The following SHISA9 variants were observed in gnomAD, a reference collection of about 807,000 sequenced individuals.
The protein encoded by SHISA9 is shisa family member 9, also known as protein shisa-9.
Under a neutral mutation model 38.0 loss-of-function variants are expected in SHISA9, and 13 were observed. The ratio of observed to expected loss-of-function variants is 0.34; its 90% CI spans 0.22 to 0.54. SHISA9 has a LOEUF of 0.54. Ranked by LOEUF, SHISA9 falls within the 20% of genes least tolerant of loss-of-function variation. The pLI is 0.91. For synonymous variants in SHISA9, 275 were observed against 242.0 expected (o/e 1.14, Z -1.27); for missense variants, 538 against 575.8 (o/e 0.93, Z 0.67).
intron 2 of SHISA9, among the ~76,000 whole-genome samples, chr16:12,992,182 TAAC>T (rs892688486): frequency 2.0e-5 from 3 of 152,040 alleles, no homozygotes; most frequent in African/African-American, 7.2e-5. Flanking sequence ...ATAGCATTCT[TAAC>T]ACCCTTGTCT....
At chr16:13,036,258 G>A (rs6498374) in intron 2 of SHISA9, among the ~76,000 whole-genome samples, 21,953 of 152,204 alleles carry the variant, frequency 0.14, 3,720 homozygotes, top group African/African-American at 0.4. Context: ...TCATAGGTGA[G>A]TGGATAAACT....
chr16:12,965,054 C>G (rs961120396), intron 2 of SHISA9, among the ~76,000 whole-genome samples: 1 of 151,934 alleles, frequency 6.6e-6, no homozygotes, highest in African/African-American at 2.4e-5. Context: ...CACACACATA[C>G]ATATATATAT....
the SHISA9 span, among the ~76,000 whole-genome samples, chr16:13,371,427 C>G: frequency 4.1e-4 from 62 of 152,298 alleles, no homozygotes; most frequent in African/African-American, 1.2e-3. Context: ...CTTCATGATT[C>G]TTGATCCTGG....
chr16:13,452,590 C>T, the SHISA9 span, among the ~76,000 whole-genome samples: 1 of 152,200 alleles, frequency 6.6e-6, no homozygotes, highest in Non-Finnish European at 1.5e-5. Flanking sequence ...TTAGTCTCTG[C>T]ATCCTCTTCC....
intron 2 of SHISA9, among the ~76,000 whole-genome samples, chr16:13,126,968 T>A (rs1401291935): frequency 4.8e-4 from 38 of 79,888 alleles, no homozygotes; most frequent in Admixed American, 8.1e-4. Context: ...AGAGAGAGAA[T>A]GAGAGAAGGA....
At chr16:13,231,589 A>C (rs975705455) in intron 4 of SHISA9, among the ~76,000 whole-genome samples, 1 of 152,212 alleles carries the variant, frequency 6.6e-6, no homozygotes, top group Non-Finnish European at 1.5e-5. Context: ...TTTAAAGAGG[A>C]AGTTTCTCTT....
At chr16:13,055,550 G>A (rs2073300814) in intron 2 of SHISA9, among the ~76,000 whole-genome samples, 1 of 152,310 alleles carries the variant, frequency 6.6e-6, no homozygotes, top group South Asian at 2.1e-4. Context: ...GGCTCTCACA[G>A]TTTGAATTCC....
chr16:12,995,164 G>A (rs899788344), intron 2 of SHISA9, among the ~76,000 whole-genome samples: 2 of 152,076 alleles, frequency 1.3e-5, no homozygotes, highest in Non-Finnish European at 2.9e-5. Flanking sequence ...TGTGCAAGGT[G>A]TAAAAATCAC....
In SHISA9 at chr16:12,902,390, C is replaced by T. The variant is rs1032504331; in HGVS notation, c.326C>T (p.Thr109Met). ...ACTTGTGGCTTCCGGTTCTGCTGCA[C>T]GTTTAAGAAGCGGCGACTGAACCAA... ...CGTCGFRFCC[T>M]FKKRRLNQST... Residue 109 changes from threonine to methionine, a missense_variant, in exon 1 of 5, where the codon ACG becomes ATG. This residue lies in a region of SHISA9 where 17 missense variants were observed against 57.2 expected (regional missense o/e 0.30). Transcript: ENST00000558583. 73 of 1,551,186 alleles carry T rather than the reference C, an allele frequency of 4.7e-5. No homozygotes were observed. The Admixed American group carries it at 1.4e-3, about 30-fold the overall frequency.
intron 2 of SHISA9, among the ~76,000 whole-genome samples, chr16:13,041,285 C>G (rs185993397): frequency 1.3e-5 from 2 of 152,324 alleles, no homozygotes; most frequent in Admixed American, 1.3e-4. Context: ...ACAACCTGAT[C>G]TCTCTTTGTG....
chr16:13,032,371 G>A (rs1391760522), intron 2 of SHISA9, among the ~76,000 whole-genome samples: 2 of 152,142 alleles, frequency 1.3e-5, no homozygotes, highest in African/African-American at 4.8e-5. Flanking sequence ...TCTTAGGGCT[G>A]CATAGTATTC....
chr16:13,050,576 C>T (rs1014153690), intron 2 of SHISA9, among the ~76,000 whole-genome samples: 1 of 152,232 alleles, frequency 6.6e-6, no homozygotes, highest in Non-Finnish European at 1.5e-5. Context: ...AAGCGGTCCG[C>T]TCTCTTCAGC....
chr16:13,138,378 C>T (rs2050368772), intron 2 of SHISA9, among the ~76,000 whole-genome samples: 1 of 152,222 alleles, frequency 6.6e-6, no homozygotes, highest in Non-Finnish European at 1.5e-5. Flanking sequence ...GTGTCCTTCT[C>T]CTACACTGTT....
At chr16:13,223,079 C>T (rs928514267) in intron 4 of SHISA9, among the ~76,000 whole-genome samples, 23 of 152,136 alleles carry the variant, frequency 1.5e-4, no homozygotes, top group Admixed American at 6.5e-5. Flanking sequence ...GATCCATCTG[C>T]TGTCAAAGTT....
chr16:13,316,751 G>C, the SHISA9 span, among the ~76,000 whole-genome samples: 1 of 152,158 alleles, frequency 6.6e-6, no homozygotes, highest in Non-Finnish European at 1.5e-5. Flanking sequence ...TATAGTGTTA[G>C]CTCATTTGAT....
the SHISA9 span, among the ~76,000 whole-genome samples, chr16:13,561,916 A>G: frequency 6.6e-6 from 1 of 152,102 alleles, no homozygotes; most frequent in Non-Finnish European, 1.5e-5. Flanking sequence ...TAGCTGGCAA[A>G]TTAAAGATAG....
chr16:13,473,692 T>C, the SHISA9 span, among the ~76,000 whole-genome samples: 1 of 152,162 alleles, frequency 6.6e-6, no homozygotes, highest in African/African-American at 2.4e-5. Context: ...CTCCCACTTG[T>C]TTGCTAGGTA....
intron 4 of SHISA9, among the ~76,000 whole-genome samples, chr16:13,222,537 C>A (rs187202076): frequency 2.0e-5 from 3 of 152,062 alleles, no homozygotes; most frequent in Non-Finnish European, 4.4e-5. Flanking sequence ...TTCACTGGTG[C>A]GATATCAGTC....
intron 2 of SHISA9, among the ~76,000 whole-genome samples, chr16:13,153,509 C>T (rs746610864): frequency 3.3e-5 from 5 of 152,082 alleles, no homozygotes; most frequent in Non-Finnish European, 7.4e-5. Context: ...GTATCTCATG[C>T]CCATTTCTGG....
Sources: allele counts gnomAD v4.1 joint callset (sites outside exome capture counted in the v4.1 genomes callset), GRCh38; gene constraint gnomAD v4.1.1; regional missense constraint gnomAD v4.1.1; transcripts MANE v1.5; gene names NCBI Gene and HGNC (gene_info 2026-07-23, HGNC 2026-07-21).